The following PRKN variants were observed in gnomAD, a reference collection of about 807,000 sequenced individuals.
PRKN encodes the protein parkin RBR E3 ubiquitin protein ligase, also known as E3 ubiquitin-protein ligase parkin.
In PRKN, 56 loss-of-function variants were observed where a neutral mutation model predicts 59.5. The ratio of observed to expected loss-of-function variants is 0.94; its 90% CI spans 0.76 to 1.18. The LOEUF is 1.18. Among genes scored for constraint, PRKN ranks in the 50% most tolerant of loss-of-function variants. The probability of loss-of-function intolerance (pLI) is 0.00; values close to 1 mark genes in which losing one functional copy is unlikely to be tolerated. For missense variants in PRKN, 657 were observed against 596.4 expected, an observed-to-expected ratio of 1.10 and a Z score of -1.06; for synonymous variants, 250 against 222.1, an observed-to-expected ratio of 1.13 and a Z score of -1.12.
chr6:162,589,573 T>C (rs1332816273), intron 1 of PRKN, among the ~76,000 whole-genome samples: 2 of 149,802 alleles, frequency 1.3e-5, no homozygotes, highest in Non-Finnish European at 3.0e-5. Flanking sequence ...ATGTGTTTTT[T>C]CTGTGTTTCA....
chr6:161,952,074 G>A (rs973685995), intron 6 of PRKN, among the ~76,000 whole-genome samples: 2 of 152,096 alleles, frequency 1.3e-5, no homozygotes, highest in African/African-American at 2.4e-5. Context: ...ATTGTGCTAA[G>A]TTAAAATTGA....
intron 1 of PRKN, among the ~76,000 whole-genome samples, chr6:162,695,349 G>C (rs1398592065): frequency 6.6e-6 from 1 of 152,050 alleles, no homozygotes; most frequent in South Asian, 2.1e-4. Context: ...TTGCTCACAG[G>C]AAGGGTAAGT....
chr6:161,901,480 AT>A (rs1299943966), intron 6 of PRKN, among the ~76,000 whole-genome samples: 2 of 152,084 alleles, frequency 1.3e-5, no homozygotes, highest in Non-Finnish European at 2.9e-5. Flanking sequence ...TACTCACATC[AT>A]GAGATATTAC....
At chr6:162,254,653 AC>A (rs1779572834) in intron 3 of PRKN, among the ~76,000 whole-genome samples, 1 of 152,052 alleles carries the variant, frequency 6.6e-6, no homozygotes, top group Non-Finnish European at 1.5e-5. Context: ...CTGAAAGCTA[AC>A]TTGTTCCTAA....
intron 1 of PRKN, among the ~76,000 whole-genome samples, chr6:162,627,760 A>G (rs1265352716): frequency 6.6e-6 from 1 of 152,184 alleles, no homozygotes; most frequent in Non-Finnish European, 1.5e-5. Context: ...CTGTTTGGGC[A>G]TATTAACCAA....
intron 2 of PRKN, among the ~76,000 whole-genome samples, chr6:162,338,836 T>C (rs1259801463): frequency 2.0e-5 from 3 of 148,134 alleles, no homozygotes; most frequent in Admixed American, 6.7e-5. Context: ...CCATCACATC[T>C]AGGAAGTGAG....
At chr6:162,061,973 A>G (rs902930514) in intron 4 of PRKN, among the ~76,000 whole-genome samples, 3 of 152,242 alleles carry the variant, frequency 2.0e-5, no homozygotes, top group Admixed American at 6.5e-5. Flanking sequence ...GTGCAAATGG[A>G]AAATAGTATA....
chr6:161,566,785 C>T lies in PRKN; in HGVS notation c.933+2570G>A, dbSNP rs1350792648. ...TTGTTTTGCTCTGTCCTCCTCCCCT[C>T]CCCTCCACCAGTCACACTTGTTTCT... On this transcript the variant is annotated intron_variant, in intron 8 of 11. Transcript: ENST00000366898. This position sits in a 1 kb window ranked among gnomAD's most constrained non-coding sequence, Gnocchi z 4.1. Among the ~76,000 whole-genome samples the T allele has an allele frequency of 6.6e-6, 1 of 152,132 alleles. No individual in the cohort carries two copies. Among genetic ancestry groups the T allele is most frequent in the East Asian group, 1.9e-4 (1 of 5,180 alleles).
At chr6:162,185,838 A>G (rs545944188) in intron 4 of PRKN, among the ~76,000 whole-genome samples, 26 of 152,324 alleles carry the variant, frequency 1.7e-4, no homozygotes, top group Admixed American at 6.5e-4. Context: ...GTGATCCTGC[A>G]CATTTAAAAT....
chr6:161,961,031 T>C (rs1386136717), intron 6 of PRKN, among the ~76,000 whole-genome samples: 1 of 152,180 alleles, frequency 6.6e-6, no homozygotes, highest in Non-Finnish European at 1.5e-5. Flanking sequence ...AAGATAAACA[T>C]ACATGCAAAA....
intron 7 of PRKN, among the ~76,000 whole-genome samples, chr6:161,656,341 G>C (rs937054790): frequency 1.3e-5 from 2 of 152,164 alleles, no homozygotes; most frequent in African/African-American, 4.8e-5. Flanking sequence ...TTAGGCCCCA[G>C]TGTTGCATGT....
chr6:161,477,296 T>A (rs952830461), intron 9 of PRKN, among the ~76,000 whole-genome samples: 1 of 152,124 alleles, frequency 6.6e-6, no homozygotes, highest in Non-Finnish European at 1.5e-5. Context: ...GGCGGGCGGA[T>A]CACCTGAGGT....
chr6:161,949,159 G>GA (rs908689140), intron 6 of PRKN, among the ~76,000 whole-genome samples: 1 of 152,164 alleles, frequency 6.6e-6, no homozygotes, highest in African/African-American at 2.4e-5. Context: ...CCTGTTCCCT[G>GA]CCCAGAGCCA....
In PRKN at chr6:161,779,232, G is replaced by A. The variant is rs377031019; in HGVS notation, c.871+6540C>T. ...TGGGATTATAGGCATGAGCCACTGC[G>A]CCTAGCCAACATATGTTATTTATAA... On this transcript the variant is annotated intron_variant, in intron 7 of 11. Transcript: ENST00000366898. Among the ~76,000 whole-genome samples, 25 of 151,966 alleles carry A rather than the reference G, an allele frequency of 1.6e-4. No individual in the cohort carries two copies. The East Asian group carries it at 1.7e-3, about 11-fold the overall frequency.
intron 1 of PRKN, among the ~76,000 whole-genome samples, chr6:162,716,907 T>C (rs1182619677): frequency 6.6e-6 from 1 of 152,194 alleles, no homozygotes; most frequent in Non-Finnish European, 1.5e-5. Flanking sequence ...CATAAGGAAG[T>C]ACCTAACCAT....
At chr6:162,313,066 G>A (rs1416435406) in intron 2 of PRKN, among the ~76,000 whole-genome samples, 1 of 152,026 alleles carries the variant, frequency 6.6e-6, no homozygotes, top group Non-Finnish European at 1.5e-5. Flanking sequence ...AAATGAAAAT[G>A]ATTTTTTTCT....
chr6:162,006,065 A>G (rs530243125), intron 5 of PRKN, among the ~76,000 whole-genome samples: 1 of 152,172 alleles, frequency 6.6e-6, no homozygotes, highest in Non-Finnish European at 1.5e-5. Context: ...CATTTCTTAG[A>G]ATTACTATAA....
chr6:161,639,906 G>A (rs1783675589), intron 7 of PRKN, among the ~76,000 whole-genome samples: 1 of 152,180 alleles, frequency 6.6e-6, no homozygotes, highest in Admixed American at 6.5e-5. Flanking sequence ...TGCTGACTGT[G>A]CTACTCAGAA....
Position 161,549,663 on chromosome 6 carries a change from A to G in PRKN, c.934-660T>C, listed in dbSNP as rs1321160517. ...CCTTTAATGGTTTCCCCAGCCTGCAAATAAATTCCAAACTCCATCAGACCA... is the reference window on the plus strand; with the variant it reads ...CCTTTAATGGTTTCCCCAGCCTGCAGATAAATTCCAAACTCCATCAGACCA... On this transcript the variant is annotated intron_variant, in intron 8 of 11. Coordinates refer to ENST00000366898, the MANE Select transcript of PRKN (RefSeq NM_004562.3). This position sits in a 1 kb window ranked among gnomAD's most constrained non-coding sequence, Gnocchi z 6.0. Among the ~76,000 whole-genome samples, 4 of 152,202 alleles carry G rather than the reference A, an allele frequency of 2.6e-5. No homozygotes were observed. Among genetic ancestry groups the G allele is most frequent in the Non-Finnish European group, 5.9e-5 (4 of 68,042 alleles).
Sources: allele counts gnomAD v4.1 joint callset (sites outside exome capture counted in the v4.1 genomes callset), GRCh38; gene constraint gnomAD v4.1.1; non-coding constraint Gnocchi (gnomAD v3.1); transcripts MANE v1.5; gene names NCBI Gene and HGNC (gene_info 2026-07-23, HGNC 2026-07-21).